Variants in EDARADD observed in about 807,000 individuals in gnomAD.
EDARADD encodes the protein ectodysplasin-A receptor-associated adapter protein.
In EDARADD, 20 loss-of-function variants were observed where a neutral mutation model predicts 25.6. The ratio of observed to expected loss-of-function variants is 0.78; its 90% confidence interval spans 0.55 to 1.14. EDARADD has a LOEUF of 1.14. Ranked by LOEUF, EDARADD falls within the 50% of genes most tolerant of loss-of-function variation. The pLI is 0.00. For synonymous variants in EDARADD, 86 were observed against 94.4 expected, an observed-to-expected ratio of 0.91 and a Z score of 0.52; for missense variants, 225 against 270.1, an observed-to-expected ratio of 0.83 and a Z score of 1.17.
intron 3 of EDARADD, among the ~76,000 whole-genome samples, chr1:236,363,004 AAAATATATATATATAT>A (rs1667070540): frequency 3.4e-5 from 2 of 58,408 alleles, no homozygotes; most frequent in East Asian, 1.7e-3. Context: ...AAAAAAAAAA[AAAATATATATATATAT>A]ATATATATAT....
At position 236,480,096 on chromosome 1, in the gene EDARADD, CATAT is replaced by C. The variant is rs72215388; in HGVS notation, c.266-2134_266-2131del. 0.01 allele frequency among the ~76,000 whole-genome samples: 783 copies of C among 77,722 alleles called. 10 individuals carry two copies. The East Asian group carries it at 0.12, about 12-fold the overall frequency. 51.0% of individuals were successfully genotyped at this position (77,722 alleles called of 152,430 possible). The stretch of plus-strand genomic sequence containing the variant: ...ATCTCAGTGTGCCTTTTAAGTATGC[CATAT>C]ATATATATATATATATATATATATA... On this transcript the variant is annotated intron_variant, in intron 5 of 5. Transcript: ENST00000334232.
At chr1:236,441,416 A>G (rs977526693) in intron 4 of EDARADD, among the ~76,000 whole-genome samples, 11 of 145,386 alleles carry the variant, frequency 7.6e-5, no homozygotes, top group African/African-American at 2.7e-4. Flanking sequence ...TATAGAAGAA[A>G]GCCCTAGATG....
chr1:236,447,897 G>T (rs947563979), intron 4 of EDARADD, among the ~76,000 whole-genome samples: 10 of 151,546 alleles, frequency 6.6e-5, no homozygotes, highest in African/African-American at 2.2e-4. Flanking sequence ...GTGCAAAGGC[G>T]CAATCTCGGC....
chr1:236,372,210 C>T (rs1427044155), intron 3 of EDARADD, among the ~76,000 whole-genome samples: 2 of 152,148 alleles, frequency 1.3e-5, no homozygotes, highest in Admixed American at 6.5e-5. Context: ...CCAGCCTTGG[C>T]CTCCCAAAGT....
At chr1:236,451,905 C>T (rs1260223731) in intron 4 of EDARADD, among the ~76,000 whole-genome samples, 7 of 152,164 alleles carry the variant, frequency 4.6e-5, no homozygotes, top group African/African-American at 1.7e-4. Flanking sequence ...CAGCCAACCC[C>T]AGCTCCTTCT....
intron 3 of EDARADD, among the ~76,000 whole-genome samples, chr1:236,356,401 A>G (rs1311185285): frequency 6.6e-6 from 1 of 152,162 alleles, no homozygotes; most frequent in Non-Finnish European, 1.5e-5. Flanking sequence ...AATTATGTTT[A>G]CCGGGCACTC....
intron 4 of EDARADD, among the ~76,000 whole-genome samples, chr1:236,451,271 CTCAG>C (rs1185317785): frequency 6.6e-6 from 1 of 152,188 alleles, no homozygotes; most frequent in Non-Finnish European, 1.5e-5. Flanking sequence ...CCCAATCCCT[CTCAG>C]TCAGCTTTCT....
chr1:236,390,475 C>G (rs1667408701), upstream of EDARADD, among the ~76,000 whole-genome samples: 1 of 152,232 alleles, frequency 6.6e-6, no homozygotes, highest in South Asian at 2.1e-4. Context: ...ATGGCGTGAA[C>G]CTGGTAGGCG....
chr1:236,444,531 C>T (rs1658481288), intron 4 of EDARADD, among the ~76,000 whole-genome samples: 2 of 152,122 alleles, frequency 1.3e-5, no homozygotes, highest in South Asian at 2.1e-4. Flanking sequence ...AAGCGATTCT[C>T]CTGCCTCAGC....
chr1:236,412,683 C>T (rs934886400), intron 2 of EDARADD, among the ~76,000 whole-genome samples: 7 of 152,194 alleles, frequency 4.6e-5, no homozygotes, highest in Non-Finnish European at 1.0e-4. Flanking sequence ...CAGCCATTCT[C>T]TAGGGCTAGC....
At chr1:236,392,870 A>G (rs1667443743), upstream of EDARADD, among the ~76,000 whole-genome samples, 1 of 152,098 alleles carries the variant, frequency 6.6e-6, no homozygotes, top group African/African-American at 2.4e-5. Flanking sequence ...GGGTTTCACC[A>G]TGTTGGGCAG....
intron 1 of EDARADD, among the ~76,000 whole-genome samples, chr1:236,403,550 G>A (rs978938463): frequency 6.6e-6 from 1 of 152,122 alleles, no homozygotes; most frequent in East Asian, 1.9e-4. Flanking sequence ...GCCTCCCAAA[G>A]TGCTGGGATT....
Position 236,483,900 on chromosome 1 carries a change from G to A in EDARADD, c.*1251G>A, listed in dbSNP as rs1281616093. On this transcript the variant is annotated 3_prime_UTR_variant, in exon 6 of 6. Transcript: ENST00000334232. ...TGATAAGGTGATCGTCAGCATGGAC[G>A]TAGAGGCCTCCGAGTTCTTCAGGTC... 13 of 1,372,592 alleles carry A rather than the reference G, an allele frequency of 9.5e-6. No individual in the cohort carries two copies. The highest frequency in any genetic ancestry group is 5.7e-5 in the African/African-American group (4 of 70,102). The allele number at this position is 1,372,592 out of a possible 1,614,324, so 85.0% of individuals were successfully genotyped here.
At chr1:236,350,454 T>C (rs1234276625) in intron 2 of EDARADD, among the ~76,000 whole-genome samples, 1 of 152,206 alleles carries the variant, frequency 6.6e-6, no homozygotes, top group East Asian at 1.9e-4. Flanking sequence ...TTTGTATTTT[T>C]AGTAGAGACA....
At chr1:236,469,331 A>T (rs933156219) in intron 5 of EDARADD, among the ~76,000 whole-genome samples, 6 of 151,964 alleles carry the variant, frequency 3.9e-5, no homozygotes, top group Non-Finnish European at 8.8e-5. Context: ...AAAATTAGCC[A>T]GGCGTGGTGA....
chr1:236,375,935 C>CTTT (rs35653732), intron 3 of EDARADD, among the ~76,000 whole-genome samples: 1 of 120,242 alleles, frequency 8.3e-6, no homozygotes, highest in African/African-American at 3.1e-5. Flanking sequence ...TTACCTGCAC[C>CTTT]TTTTTTTTTT....
chr1:236,441,470 T>C (rs1396197042), intron 4 of EDARADD, among the ~76,000 whole-genome samples: 1 of 146,138 alleles, frequency 6.8e-6, no homozygotes, highest in Non-Finnish European at 1.5e-5. Flanking sequence ...TTATATATTA[T>C]ATTATAAATA....
intron 4 of EDARADD, among the ~76,000 whole-genome samples, chr1:236,467,476 T>G (rs1659237386): frequency 6.8e-6 from 1 of 147,742 alleles, no homozygotes; most frequent in Non-Finnish European, 1.5e-5. Flanking sequence ...CTGTCCAAGA[T>G]CAGAAAAAAT....
intron 4 of EDARADD, among the ~76,000 whole-genome samples, chr1:236,436,234 T>A (rs531668245): frequency 5.3e-5 from 8 of 152,056 alleles, no homozygotes; most frequent in Admixed American, 5.2e-4. Context: ...CTCAGCTCAC[T>A]GCAACTTCCA....
Sources: gnomAD v4.1 joint callset for allele counts (sites outside exome capture counted in the v4.1 genomes callset) on GRCh38, gnomAD v4.1.1 for gene constraint, MANE v1.5 for transcripts, NCBI Gene and HGNC (gene_info 2026-07-23, HGNC 2026-07-21) for gene names.